Variants in GINS3 observed in about 807,000 individuals in gnomAD.
The protein encoded by GINS3 is GINS complex subunit 3, also known as DNA replication complex GINS protein PSF3.
GINS3 carries 18 observed loss-of-function variants against 20.0 expected under a neutral mutation model. That is an observed-to-expected ratio of 0.90 (90% CI 0.62 to 1.33). The LOEUF is 1.33. GINS3 is among the 40% of genes most tolerant of loss of function. The pLI is 0.00. For synonymous variants in GINS3, 109 were observed against 107.0 expected (o/e 1.02, Z -0.12); for missense variants, 254 against 273.6 (o/e 0.93, Z 0.51).
intron 1 of GINS3, among the ~76,000 whole-genome samples, chr16:58,399,255 C>T (rs944097484): frequency 4.6e-5 from 7 of 151,202 alleles, no homozygotes; most frequent in Non-Finnish European, 7.4e-5. Context: ...CCACTGCACT[C>T]CAGCCTGGGT....
At chr16:58,402,615 C>T (rs1340212836) in intron 1 of GINS3, among the ~76,000 whole-genome samples, 1 of 152,094 alleles carries the variant, frequency 6.6e-6, no homozygotes, top group African/African-American at 2.4e-5. Context: ...GACATGTGTG[C>T]TGTCATCTCT....
In GINS3 at chr16:58,392,620, C is replaced by A; in HGVS notation, c.19C>A (p.Arg7=). ...GGCCGCCATGTCAGAGGCTTATTTCCGAGTGGAGTCGGGTGCGCTGGGGCC... is the reference window on the plus strand; with the variant it reads ...GGCCGCCATGTCAGAGGCTTATTTCAGAGTGGAGTCGGGTGCGCTGGGGCC... MSEAYF[R]VESGALGPEE... Residue 7 remains arginine, a synonymous_variant, in exon 1 of 3, where the codon CGA becomes AGA. Transcript: ENST00000318129. The A allele has an allele frequency of 1.2e-6, 2 of 1,614,198 alleles. No individual in the cohort carries two copies. Among genetic ancestry groups the A allele is most frequent in the Non-Finnish European group, 1.7e-6 (2 of 1,180,008 alleles).
chr16:58,403,492 T>C lies in GINS3; in HGVS notation c.420+161T>C, dbSNP rs111910509. Reference sequence around the variant, plus strand: ...TCTGTCCATTTTATATATTTACATATATACACACACACACACACACACACA... The same window carrying C: ...TCTGTCCATTTTATATATTTACATACATACACACACACACACACACACACA... On this transcript the variant is annotated intron_variant, in intron 2 of 2. Transcript: ENST00000318129. The C allele has an allele frequency of 4.3e-4, 258 of 594,132 alleles. 2 individuals are homozygous for C. Among genetic ancestry groups the C allele is most frequent in the African/African-American group, 3.0e-3 (158 of 52,644 alleles). The allele number at this position is 594,132 out of a possible 1,614,324, so 36.8% of individuals were successfully genotyped here.
chr16:58,402,306 T>C (rs192500254), intron 1 of GINS3, among the ~76,000 whole-genome samples: 1 of 152,308 alleles, frequency 6.6e-6, no homozygotes, highest in African/African-American at 2.4e-5. Context: ...ATAGGGGGCT[T>C]ACTTCCCTCC....
chr16:58,397,295 G>A (rs1355179257), intron 1 of GINS3, among the ~76,000 whole-genome samples: 2 of 150,424 alleles, frequency 1.3e-5, no homozygotes, highest in African/African-American at 2.5e-5. Flanking sequence ...ATGGGCGGCC[G>A]GGCAGAGACG....
intron 1 of GINS3, among the ~76,000 whole-genome samples, chr16:58,396,294 C>A: frequency 7.9e-6 from 1 of 127,046 alleles, no homozygotes; most frequent in Non-Finnish European, 1.7e-5. Flanking sequence ...CCGGACGGGG[C>A]GGCTGGCCGG....
At chr16:58,401,697 T>TG (rs1965956602) in intron 1 of GINS3, among the ~76,000 whole-genome samples, 1 of 152,238 alleles carries the variant, frequency 6.6e-6, no homozygotes, top group Non-Finnish European at 1.5e-5. Flanking sequence ...CGGCTTCACC[T>TG]TTTATTGGGA....
chr16:58,399,746 T>C (rs896153390), intron 1 of GINS3, among the ~76,000 whole-genome samples: 1 of 152,162 alleles, frequency 6.6e-6, no homozygotes, highest in Non-Finnish European at 1.5e-5. Flanking sequence ...CATTTACCTT[T>C]TTATTAGTTT....
intron 1 of GINS3, among the ~76,000 whole-genome samples, chr16:58,399,488 C>A (rs1965927551): frequency 6.6e-6 from 1 of 151,682 alleles, no homozygotes. Context: ...TTTTTTTAAT[C>A]CTATTTTTAA....
chr16:58,400,883 C>T (rs1431573947), intron 1 of GINS3, among the ~76,000 whole-genome samples: 2 of 147,132 alleles, frequency 1.4e-5, no homozygotes, highest in Non-Finnish European at 1.5e-5. Context: ...GGTGTGATCT[C>T]GGCTCACTGT....
At chr16:58,393,883 T>C (rs111951758) in intron 1 of GINS3, among the ~76,000 whole-genome samples, 1,982 of 140,268 alleles carry the variant, frequency 0.014, 10 homozygotes, top group Non-Finnish European at 0.022. Context: ...AGAAAAAAAA[T>C]AGCAGGTCCT....
intron 1 of GINS3, 36 bp downstream of exon 1, chr16:58,392,823 C>T: frequency 6.5e-7 from 1 of 1,540,312 alleles, no homozygotes; most frequent in African/African-American, 1.4e-5. Flanking sequence ...CCCGGAAAGA[C>T]TGCAGCTCCC....
chr16:58,398,639 C>T (rs1488184438), intron 1 of GINS3, among the ~76,000 whole-genome samples: 4 of 152,108 alleles, frequency 2.6e-5, no homozygotes, highest in African/African-American at 7.2e-5. Context: ...TTTTAAAATA[C>T]TGTTTAATTT....
At chr16:58,397,141 C>G (rs904860494) in intron 1 of GINS3, among the ~76,000 whole-genome samples, 2 of 151,274 alleles carry the variant, frequency 1.3e-5, no homozygotes, top group African/African-American at 4.9e-5. Context: ...GTGTAGCTGC[C>G]GGGCGGAGGG....
Position 58,404,492 on chromosome 16 carries a change from T to C in GINS3, c.421-7T>C. On this transcript the variant is annotated splice_region_variant and splice_polypyrimidine_tract_variant and intron_variant, in intron 2 of 2. Transcript: ENST00000318129. Reference sequence around the variant, plus strand: ...ACCCTGACTTGTCTTACTCCCTTGTTTCCCAGACTTTTATCGGACGTTTTC... The same window carrying C: ...ACCCTGACTTGTCTTACTCCCTTGTCTCCCAGACTTTTATCGGACGTTTTC... 1 of 1,609,306 alleles carries C rather than the reference T, an allele frequency of 6.2e-7. No individual in the cohort carries two copies. Among genetic ancestry groups the C allele is most frequent in the Non-Finnish European group, 8.5e-7 (1 of 1,175,584 alleles).
At chr16:58,401,020 G>C (rs1225065138) in intron 1 of GINS3, among the ~76,000 whole-genome samples, 1 of 151,874 alleles carries the variant, frequency 6.6e-6, no homozygotes, top group Non-Finnish European at 1.5e-5. Context: ...TCACCATGTT[G>C]GTCAGGCCCG....
At position 58,392,794 on chromosome 16, in the gene GINS3, C is replaced by T. The variant is rs1425429020; in HGVS notation, c.186+7C>T. 3 of 1,592,870 alleles carry T rather than the reference C, an allele frequency of 1.9e-6. No individual in the cohort carries two copies. The highest frequency in any genetic ancestry group is 1.3e-5 in the African/African-American group (1 of 74,604). Reference sequence around the variant, plus strand: ...TGACAACGCGGTCCCACAGGTGAGCCTTTGGGTGCGGGGTCCTGCCCGGAA... The same window carrying T: ...TGACAACGCGGTCCCACAGGTGAGCTTTTGGGTGCGGGGTCCTGCCCGGAA... On this transcript the variant is annotated splice_region_variant and intron_variant, in intron 1 of 2. Transcript: ENST00000318129.
rs776464089 is a variant in GINS3, at chr16:58,403,238, C to G, written c.327C>G (p.Leu109=). The part of the protein sequence containing the change: ...VFSADPNVVD[L]HKMGPHFYGF... ...GTGCAGATCCCAATGTGGTGGACCT[C>G]CACAAAATGGGGCCCCATTTCTACG... The change falls in exon 2 of 3, where the codon CTC becomes CTG. Residue 109 remains leucine, a synonymous_variant. Coordinates refer to ENST00000318129, the MANE Select transcript of GINS3 (RefSeq NM_022770.4). The G allele has an allele frequency of 6.2e-7, 1 of 1,614,064 alleles. No homozygotes were observed. The highest frequency in any genetic ancestry group is 1.3e-5 in the African/African-American group (1 of 74,932).
At chr16:58,399,218 G>A (rs1965922222) in intron 1 of GINS3, among the ~76,000 whole-genome samples, 1 of 151,100 alleles carries the variant, frequency 6.6e-6, no homozygotes, top group South Asian at 2.1e-4. Context: ...GGAGACTGAG[G>A]CAAGAGGATT....
Sources: allele counts gnomAD v4.1 joint callset (sites outside exome capture counted in the v4.1 genomes callset), GRCh38; gene constraint gnomAD v4.1.1; transcripts MANE v1.5; gene names NCBI Gene and HGNC (gene_info 2026-07-23, HGNC 2026-07-21).